The following MIDEAS variants were observed in gnomAD, a reference collection of about 807,000 sequenced individuals.
MIDEAS encodes the protein mitotic deacetylase associated SANT domain protein, also known as mitotic deacetylase-associated SANT domain protein.
Under a neutral mutation model 102.7 loss-of-function variants are expected in MIDEAS, and 26 were observed. The ratio of observed to expected loss-of-function variants is 0.25; its 90% CI spans 0.19 to 0.35. The LOEUF (loss-of-function observed/expected upper bound fraction) is 0.35. MIDEAS is among the 10% of genes least tolerant of loss of function. The probability of loss-of-function intolerance (pLI) is 1.00; values close to 1 mark genes in which losing one functional copy is unlikely to be tolerated. For missense variants in MIDEAS, 1,231 were observed against 1,435.6 expected (o/e 0.86, Z 2.30); for synonymous variants, 585 against 591.0 (o/e 0.99, Z 0.15).
chr14:73,754,665 A>T (rs1487742871), intron 1 of MIDEAS, among the ~76,000 whole-genome samples: 14 of 152,228 alleles, frequency 9.2e-5, no homozygotes, highest in Admixed American at 9.2e-4. Flanking sequence ...TGGAATTAGG[A>T]CTATGACCCA....
chr14:73,769,831 A>C (rs1050584263), intron 1 of MIDEAS, among the ~76,000 whole-genome samples: 24 of 149,358 alleles, frequency 1.6e-4, no homozygotes, highest in Non-Finnish European at 2.8e-4. Flanking sequence ...CAAACTCCTG[A>C]CCTGGTGATC....
chr14:73,737,439 C>T (rs1391128074), intron 2 of MIDEAS, 142 bp from the exon 3 acceptor site: 7 of 911,688 alleles, frequency 7.7e-6, no homozygotes, highest in Middle Eastern at 2.9e-4. Flanking sequence ...GCCTGGGCAA[C>T]ATAGTGACAC....
rs2053533951 is a variant in MIDEAS, at chr14:73,759,656, A to C, written c.-248+107T>G. The C allele has an allele frequency of 6.7e-6, 1 of 150,268 alleles. No homozygotes were observed. 9.3% of individuals were successfully genotyped at this position (150,268 alleles called of 1,614,324 possible). A position where few individuals can be genotyped will look rare whatever the true frequency, so the allele number is the denominator to read the frequency against. On this transcript the variant is annotated intron_variant, in intron 1 of 12. Transcript: ENST00000423556. This position sits in a 1 kb window ranked among gnomAD's most constrained non-coding sequence, Gnocchi z 6.7. ...CCCCCTCTCCGGGCCGCGCCTGCAG[A>C]GCTGCAACCCGCCGTGCGAGCAGCC...
chr14:73,750,939 G>GCTA, intron 1 of MIDEAS, among the ~76,000 whole-genome samples: 2 of 152,344 alleles, frequency 1.3e-5, no homozygotes, highest in Middle Eastern at 6.8e-3. Context: ...CATTGAAGGT[G>GCTA]CTACTATGTG....
upstream of MIDEAS, among the ~76,000 whole-genome samples, chr14:73,763,415 G>T (rs1034129160): frequency 6.6e-6 from 1 of 152,108 alleles, no homozygotes; most frequent in African/African-American, 2.4e-5. Context: ...CGAAGTTGGG[G>T]GAAAGCTTCC....
At chr14:73,777,349 G>A (rs973656703) in intron 1 of MIDEAS, among the ~76,000 whole-genome samples, 3 of 151,890 alleles carry the variant, frequency 2.0e-5, no homozygotes, top group East Asian at 1.9e-4. Context: ...CAACCTTCTC[G>A]GACATTCAGT....
intron 1 of MIDEAS, among the ~76,000 whole-genome samples, chr14:73,783,241 G>T (rs779536986): frequency 6.6e-6 from 1 of 152,134 alleles, no homozygotes; most frequent in Non-Finnish European, 1.5e-5. Context: ...GATGTTGCTG[G>T]AGTCCCGGGG....
At chr14:73,722,217 A>G (rs2140096399) in intron 10 of MIDEAS, 1 of 155,752 alleles carries the variant, frequency 6.4e-6, no homozygotes, top group Admixed American at 6.2e-5. Context: ...TTCTATTTAT[A>G]GCACACAACC....
intron 11 of MIDEAS, among the ~76,000 whole-genome samples, chr14:73,720,236 CTT>C (rs33980532): frequency 6.9e-4 from 81 of 116,734 alleles, no homozygotes; most frequent in East Asian, 4.2e-3. Flanking sequence ...ACACACATTC[CTT>C]TTTTTTTTTT....
At chr14:73,770,329 A>G in intron 1 of MIDEAS, among the ~76,000 whole-genome samples, 1 of 151,812 alleles carries the variant, frequency 6.6e-6, no homozygotes, top group Non-Finnish European at 1.5e-5. Flanking sequence ...AAGATGATTT[A>G]TATAACAGTA....
Position 73,721,351 on chromosome 14 carries a change from G to GCGCTCT in MIDEAS, c.2877_2882dup (p.Glu960_Arg961dup). On this transcript the variant is annotated inframe_insertion, in exon 11 of 13. Transcript: ENST00000423556. ...CTTTGACTGCCGCTGCCCGCCTGCT[G>GCGCTCT]CGCTCTCGCCCCTCTTCCTGCTCCT... is the stretch of plus-strand genomic sequence containing the variant. The GCGCTCT allele has an allele frequency of 6.2e-7, 1 of 1,614,044 alleles. No individual in the cohort carries two copies.
intron 3 of MIDEAS, chr14:73,730,252 T>C (rs1310812888): frequency 3.2e-6 from 2 of 616,518 alleles, no homozygotes; most frequent in African/African-American, 3.7e-5. Context: ...ATTCCTCTTC[T>C]TTCCCTTTTT....
At chr14:73,736,385 A>G (rs2053200127) in intron 3 of MIDEAS, among the ~76,000 whole-genome samples, 1 of 151,668 alleles carries the variant, frequency 6.6e-6, no homozygotes. Flanking sequence ...TAATCCCAAA[A>G]CTCTAGGAGG....
At chr14:73,726,225 C>A in intron 7 of MIDEAS, 117 bp from the exon 8 acceptor site, 1 of 865,064 alleles carries the variant, frequency 1.2e-6, no homozygotes, top group Non-Finnish European at 1.9e-6. Flanking sequence ...GCCCCCTTAA[C>A]TGCTGAGAGA....
At chr14:73,751,892 C>T (rs1417910083) in intron 1 of MIDEAS, among the ~76,000 whole-genome samples, 1 of 152,090 alleles carries the variant, frequency 6.6e-6, no homozygotes, top group Non-Finnish European at 1.5e-5. Flanking sequence ...AAGAGCAAAA[C>T]TCTGTCTCAA....
chr14:73,734,427 A>G (rs1418868947), intron 3 of MIDEAS, among the ~76,000 whole-genome samples: 1 of 151,964 alleles, frequency 6.6e-6, no homozygotes, highest in African/African-American at 2.4e-5. Context: ...TTTTGTTTTG[A>G]AAAGGGGTCT....
intron 2 of MIDEAS, 55 bp downstream of exon 2, chr14:73,738,505 A>G: frequency 7.0e-7 from 1 of 1,425,790 alleles, no homozygotes; most frequent in Admixed American, 2.6e-5. Flanking sequence ...GCAGCCGCCC[A>G]CCTATCAGCC....
chr14:73,757,056 T>C (rs2053492463), intron 1 of MIDEAS, among the ~76,000 whole-genome samples: 1 of 151,982 alleles, frequency 6.6e-6, no homozygotes, highest in South Asian at 2.1e-4. Context: ...GTGGATTTCT[T>C]GAGCCCAAGA....
At chr14:73,727,055 T>A in intron 5 of MIDEAS, 83 bp from the exon 6 acceptor site, 1 of 1,503,708 alleles carries the variant, frequency 6.7e-7, no homozygotes, top group Non-Finnish European at 9.0e-7. Context: ...GGGAAGAAGA[T>A]GAGGGGGAGC....
Sources: allele counts gnomAD v4.1 joint callset (sites outside exome capture counted in the v4.1 genomes callset), GRCh38; gene constraint gnomAD v4.1.1; non-coding constraint Gnocchi (gnomAD v3.1); transcripts MANE v1.5; gene names NCBI Gene and HGNC (gene_info 2026-07-23, HGNC 2026-07-21).